Variants in RAB34 observed in about 807,000 individuals in gnomAD.
RAB34 encodes the protein RAB34, member RAS oncogene family, also known as ras-related protein Rab-34.
Under a neutral mutation model 39.0 loss-of-function variants are expected in RAB34, and 33 were observed. The ratio of observed to expected loss-of-function variants is 0.85; its 90% CI spans 0.64 to 1.13. The LOEUF is 1.13. RAB34 is among the 50% of genes most tolerant of loss of function. The pLI, the probability that RAB34 is intolerant of heterozygous loss-of-function variation, is 0.00. For missense variants in RAB34, 289 were observed against 326.1 expected (o/e 0.89, Z 0.88); for synonymous variants, 135 against 125.1 (o/e 1.08, Z -0.53).
rs2033759431 is a variant in RAB34, at chr17:28,717,631, GCGGGGCCGGATGGTTCCTACAATAACC to G, written c.-392_-366del. 1 of 1,378,552 alleles carries G rather than the reference GCGGGGCCGGATGGTTCCTACAATAACC, an allele frequency of 7.3e-7. No homozygotes were observed. Among genetic ancestry groups the G allele is most frequent in the Non-Finnish European group, 9.3e-7 (1 of 1,071,396 alleles). The allele number at this position is 1,378,552 out of a possible 1,614,324, so 85.4% of individuals were successfully genotyped here. On this transcript the variant is annotated 5_prime_UTR_variant, in exon 1 of 10. The change creates a premature stop within an existing upstream ORF in the 5' untranslated region. Coordinates refer to ENST00000395245, the MANE Select transcript of RAB34 (RefSeq NM_031934.6). The stretch of plus-strand genomic sequence containing the variant: ...GGGGCCGGATAGTTCCTACGATTAC[GCGGGGCCGGATGGTTCCTACAATAACC>G]CGGGGCCGCGGAGACCCGACGTCAT...
At chr17:28,718,265 C>T (rs781228551), upstream of RAB34, 2 of 1,548,964 alleles carry the variant, frequency 1.3e-6, no homozygotes, top group East Asian at 2.5e-5. Flanking sequence ...GGAGGTGACT[C>T]ATAGAGTCTG....
Position 28,715,198 on chromosome 17 carries a change from C to T in RAB34, c.510G>A (p.Leu170=). The T allele has an allele frequency of 6.2e-7, 1 of 1,614,104 alleles. No homozygotes were observed. Among genetic ancestry groups the T allele is most frequent in the Non-Finnish European group, 8.5e-7 (1 of 1,180,018 alleles). The change falls in exon 7 of 10, where the codon CTG becomes CTA. Residue 170 remains leucine, a synonymous_variant. Coordinates refer to ENST00000395245, the MANE Select transcript of RAB34 (RefSeq NM_031934.6). ...LLFLVGSKKD[L]STPAQYALME... ...GTCCCCCCACTGGCACACTCACACT[C>T]AGATCCTTCTTGGAACCTACAAGGA...
At chr17:28,715,315 G>T in intron 6 of RAB34, 39 bp from the exon 7 acceptor site, 1 of 1,597,270 alleles carries the variant, frequency 6.3e-7, no homozygotes, top group Non-Finnish European at 8.6e-7. Flanking sequence ...GAGTGAGTCT[G>T]CAGGGCCCCT....
In RAB34 at chr17:28,714,470, G is replaced by A. The variant is rs115935042; in HGVS notation, c.*173C>T. The A allele has an allele frequency of 1.1e-3, 1,563 of 1,442,902 alleles. 17 individuals carry two copies. The African/African-American group carries it at 0.019, about 18-fold the overall frequency. 89.4% of individuals were successfully genotyped at this position (1,442,902 alleles called of 1,614,324 possible). A position where few individuals can be genotyped will look rare whatever the true frequency, so the allele number is the denominator to read the frequency against. On this transcript the variant is annotated 3_prime_UTR_variant, in exon 10 of 10. Transcript: ENST00000395245. ...TCCAGTCTTTGGCACGGTGCCTGGG[G>A]GCAGGAAGTGACTAGCATGATCCCA...
intron 8 of RAB34, 42 bp downstream of exon 8, chr17:28,714,990 A>G: frequency 6.2e-7 from 1 of 1,603,126 alleles, no homozygotes; most frequent in African/African-American, 1.3e-5. Flanking sequence ...GAGGAGAGCC[A>G]GGCAAGAGTG....
chr17:28,717,542 G>T lies in RAB34; in HGVS notation c.-276C>A, dbSNP rs1363405524. On this transcript the variant is annotated 5_prime_UTR_variant, in exon 1 of 10. Transcript: ENST00000395245. ...TCTGGGGCGAGGAGACTCTTCGGCC[G>T]CCAATTGGGGGCGGGGAGTCCCGTC... 8 of 1,418,596 alleles carry T rather than the reference G, an allele frequency of 5.6e-6. No individual in the cohort carries two copies. Among genetic ancestry groups the T allele is most frequent in the Non-Finnish European group, 7.3e-6 (8 of 1,089,890 alleles). The allele number at this position is 1,418,596 out of a possible 1,614,324, so 87.9% of individuals were successfully genotyped here. A position where few individuals can be genotyped will look rare whatever the true frequency, so the allele number is the denominator to read the frequency against.
At chr17:28,716,461 G>A (rs2033452475) in intron 2 of RAB34, 1 of 264,530 alleles carries the variant, frequency 3.8e-6, no homozygotes, top group African/African-American at 2.2e-5. Flanking sequence ...TATCTTAAGT[G>A]ATGGACTTTT....
rs762088335 is a variant in RAB34 at position 28,714,910 on chromosome 17, A to G, written c.605-10T>C. 3 of 1,612,394 alleles carry G rather than the reference A, an allele frequency of 1.9e-6. No individual in the cohort carries two copies. The highest frequency in any genetic ancestry group is 2.5e-6 in the Non-Finnish European group (3 of 1,178,556). On this transcript the variant is annotated splice_polypyrimidine_tract_variant and intron_variant, in intron 8 of 9. Coordinates refer to ENST00000395245, the MANE Select transcript of RAB34 (RefSeq NM_031934.6). ...TCTCGGACATTCTCACCTGACACAG[A>G]GAGCAGATAGGTGCTCAGGGGCAGT...
chr17:28,717,859 C>T lies in RAB34; in HGVS notation c.-593G>A. The stretch of plus-strand genomic sequence containing the variant: ...CGAGTCCCACTCCGCTCGGGCTCCG[C>T]CAACGCTGTAACACGATCCCCGGAA... On this transcript the variant is annotated 5_prime_UTR_variant, in exon 1 of 10. Transcript: ENST00000395245. 2.2e-6 allele frequency: 3 copies of T among 1,350,784 alleles called. No homozygotes were observed. The highest frequency in any genetic ancestry group is 1.9e-6 in the Non-Finnish European group (2 of 1,059,032). 83.7% of individuals were successfully genotyped at this position (1,350,784 alleles called of 1,614,324 possible). A position where few individuals can be genotyped will look rare whatever the true frequency, so the allele number is the denominator to read the frequency against.
chr17:28,717,029 T>C (rs777442474), intron 1 of RAB34, 35 bp from the exon 2 acceptor site: 1 of 1,608,822 alleles, frequency 6.2e-7, no homozygotes, highest in South Asian at 1.1e-5. Flanking sequence ...TGGAGCTTCC[T>C]ACTCCTGGCC....
intron 1 of RAB34, 32 bp from the exon 2 acceptor site, chr17:28,717,026 T>G: frequency 6.2e-7 from 1 of 1,609,416 alleles, no homozygotes; most frequent in Non-Finnish European, 8.5e-7. Context: ...GAATGGAGCT[T>G]CCTACTCCTG....
At chr17:28,717,188 A>C (rs1237848296) in intron 1 of RAB34, 25 bp downstream of exon 1, 2 of 1,588,730 alleles carry the variant, frequency 1.3e-6, no homozygotes, top group South Asian at 2.3e-5. Flanking sequence ...TGTAGACTGA[A>C]GCCCGACGTG....
Position 28,714,546 on chromosome 17 carries a change from A to G in RAB34, c.*97T>C. On this transcript the variant is annotated 3_prime_UTR_variant, in exon 10 of 10. Transcript: ENST00000395245. ...ACCAAGAGGCAGCTCTTTGGTCTGG[A>G]TAAAGTCAGTGCAAATGTCCAGGGG... The G allele has an allele frequency of 6.2e-7, 1 of 1,612,226 alleles. No individual in the cohort carries two copies. Among genetic ancestry groups the G allele is most frequent in the African/African-American group, 1.3e-5 (1 of 74,950 alleles).
At chr17:28,714,982 GGA>G in intron 8 of RAB34, 48 bp downstream of exon 8, 1 of 1,600,514 alleles carries the variant, frequency 6.2e-7, no homozygotes, top group Non-Finnish European at 8.6e-7. Flanking sequence ...AGCAGTGAGA[GGA>G]GAGCCAGGCA....
Position 28,717,811 on chromosome 17 carries a change from G to A in RAB34, c.-545C>T. On this transcript the variant is annotated 5_prime_UTR_variant, in exon 1 of 10. Transcript: ENST00000395245. ...CAGGCCGCTGGAGGAGGGGGCGAGG[G>A]GCCCAGTCCGGCTACAGGGCCTCGA... 7.5e-7 allele frequency: 1 copy of A among 1,327,246 alleles called. No individual in the cohort carries two copies. The allele number at this position is 1,327,246 out of a possible 1,614,324, so 82.2% of individuals were successfully genotyped here. A position where few individuals can be genotyped will look rare whatever the true frequency, so the allele number is the denominator to read the frequency against.
rs368528025 is a variant in RAB34 at position 28,715,283 on chromosome 17, T to A, written c.432-7A>T. The A allele has an allele frequency of 6.2e-7, 1 of 1,612,188 alleles. No homozygotes were observed. Among genetic ancestry groups the A allele is most frequent in the Non-Finnish European group, 8.5e-7 (1 of 1,179,220 alleles). ...GGCATCGGCCAGCCACTGCCTGCCA[T>A]GGGAGGTGGAAAGTAAGGGATGAGT... is the stretch of plus-strand genomic sequence containing the variant. On this transcript the variant is annotated splice_region_variant and splice_polypyrimidine_tract_variant and intron_variant, in intron 6 of 9. Transcript: ENST00000395245.
Position 28,714,845 on chromosome 17 carries a change from AT to A in RAB34, c.659del (p.Asn220MetfsTer29). The A allele has an allele frequency of 6.2e-7, 1 of 1,614,150 alleles. No homozygotes were observed. Among genetic ancestry groups the A allele is most frequent in the Non-Finnish European group, 8.5e-7 (1 of 1,180,020 alleles). ...FRVAALTFEA[N>X]VLAELEKSGA... ...CCGATTTCTCCAGCTCAGCCAGCAC[AT>A]TGGCCTCAAAGGTCAGTGCTGCCAC... is the stretch of plus-strand genomic sequence containing the variant. On this transcript the variant is annotated frameshift_variant, in exon 9 of 10. Transcript: ENST00000395245. LOFTEE classifies it high-confidence loss of function.
In RAB34 at chr17:28,714,907, CAGAG is replaced by C. The variant is rs753412910; in HGVS notation, c.605-11_605-8del. On this transcript the variant is annotated splice_polypyrimidine_tract_variant and splice_region_variant and intron_variant, in intron 8 of 9. Transcript: ENST00000395245. ...AATTCTCGGACATTCTCACCTGACA[CAGAG>C]AGCAGATAGGTGCTCAGGGGCAGTG... The C allele has an allele frequency of 6.2e-6, 10 of 1,612,878 alleles. No individual in the cohort carries two copies. Among genetic ancestry groups the C allele is most frequent in the South Asian group, 1.1e-5 (1 of 91,056 alleles).
At position 28,715,536 on chromosome 17, in the gene RAB34, T is replaced by C. The variant is rs571263355; in HGVS notation, c.380-29A>G. Reference sequence around the variant, plus strand: ...GAAGAGTGGCAGAAACAGCCCCAGGTTGACAGGGAAGACACTACTGCTCAT... The same window carrying C: ...GAAGAGTGGCAGAAACAGCCCCAGGCTGACAGGGAAGACACTACTGCTCAT... On this transcript the variant is annotated intron_variant, in intron 5 of 9. Transcript: ENST00000395245. The C allele has an allele frequency of 9.3e-6, 15 of 1,613,908 alleles. No individual in the cohort carries two copies. The African/African-American group carries it at 9.3e-5, about 10-fold the overall frequency.
Sources: gnomAD v4.1 joint callset for allele counts on GRCh38, gnomAD v4.1.1 for gene constraint, MANE v1.5 for transcripts, NCBI Gene and HGNC (gene_info 2026-07-23, HGNC 2026-07-21) for gene names.